USP42: variants seen among roughly 807,000 people sequenced by gnomAD.
USP42 encodes the protein ubiquitin carboxyl-terminal hydrolase 42.
In USP42, 23 loss-of-function variants were observed where a neutral mutation model predicts 113.0. That is an observed-to-expected ratio of 0.20 (90% CI 0.15 to 0.29). The LOEUF is 0.29. USP42 is among the 10% of genes least tolerant of loss of function. USP42 has a pLI of 1.00. For synonymous variants in USP42, 933 were observed against 699.0 expected, an observed-to-expected ratio of 1.33 and a Z score of -5.28; for missense variants, 2,174 against 1,779.8, an observed-to-expected ratio of 1.22 and a Z score of -3.99.
intron 3 of USP42, among the ~76,000 whole-genome samples, chr7:6,124,408 C>T (rs114508378): frequency 0.017 from 2,629 of 151,752 alleles, 72 homozygotes; most frequent in African/African-American, 0.06. Flanking sequence ...GCTGGGACTA[C>T]GGGTGCACCA....
In USP42 at chr7:6,149,846, C is replaced by A. The variant is rs1405577307; in HGVS notation, c.1650C>A (p.Thr550=). ...NLHSNSLENP[T]KPVPSSTITN... ...ATAGTAATTCTTTGGAGAACCCTACCAAGCCCGTTCCCTCTTCTACCATTA... is the reference window on the plus strand; with the variant it reads ...ATAGTAATTCTTTGGAGAACCCTACAAAGCCCGTTCCCTCTTCTACCATTA... The change falls in exon 13 of 18, where the codon ACC becomes ACA. Residue 550 remains threonine (T), a synonymous_variant. Transcript: ENST00000306177. 1 of 1,613,892 alleles carries A rather than the reference C, an allele frequency of 6.2e-7. No individual in the cohort carries two copies. The highest frequency in any genetic ancestry group is 8.5e-7 in the Non-Finnish European group (1 of 1,179,896).
chr7:6,106,247 C>G (rs1202156871), intron 1 of USP42, among the ~76,000 whole-genome samples: 1 of 151,840 alleles, frequency 6.6e-6, no homozygotes. Flanking sequence ...AAGGTTTTGT[C>G]TTTTTAAAGC....
chr7:6,150,133 C>G lies in USP42; in HGVS notation c.1937C>G (p.Ala646Gly). 1 of 1,613,232 alleles carries G rather than the reference C, an allele frequency of 6.2e-7. No individual in the cohort carries two copies. Among genetic ancestry groups the G allele is most frequent in the East Asian group, 2.2e-5 (1 of 44,858 alleles). Residue 646 changes from alanine (A) to glycine (G), a missense_variant, in exon 13 of 18, where the codon GCC becomes GGC. Transcript: ENST00000306177. ...SPGQDAEDEE[A>G]TPHELQEPMT... Reference sequence around the variant, plus strand: ...GGCCAAGATGCCGAAGATGAGGAGGCCACTCCGCACGAGCTTCAAGAACCC... The same window carrying G: ...GGCCAAGATGCCGAAGATGAGGAGGGCACTCCGCACGAGCTTCAAGAACCC...
chr7:6,104,152 G>A (rs1252055562), upstream of USP42, among the ~76,000 whole-genome samples: 5 of 151,296 alleles, frequency 3.3e-5, no homozygotes, highest in African/African-American at 1.2e-4. Context: ...GCGCGATCTC[G>A]GCTCACTGCA....
Position 6,113,182 on chromosome 7 carries a change from A to G in USP42, c.241+1808A>G, listed in dbSNP as rs535572811. ...AGTGCTGGGATTACAGGTGTAGGCC[A>G]CTGCACCCGGACAACAGTAAGTTTC... On this transcript the variant is annotated intron_variant, in intron 2 of 17. Transcript: ENST00000306177. Among the ~76,000 whole-genome samples the G allele has an allele frequency of 2.6e-5, 4 of 152,150 alleles. No individual in the cohort carries two copies. The South Asian group carries it at 8.3e-4, about 32-fold the overall frequency.
At chr7:6,086,223 T>A in the USP42 span, among the ~76,000 whole-genome samples, 1 of 144,542 alleles carries the variant, frequency 6.9e-6, no homozygotes, top group Non-Finnish European at 1.5e-5. Flanking sequence ...TTTTTTTTTT[T>A]GAGACAGAGT....
intron 1 of USP42, among the ~76,000 whole-genome samples, chr7:6,110,589 C>G (rs1779546674): frequency 6.6e-6 from 1 of 152,046 alleles, no homozygotes; most frequent in Non-Finnish European, 1.5e-5. Flanking sequence ...AAGGTGAGAT[C>G]TCTATAATTA....
chr7:6,118,566 C>G (rs890406327), intron 3 of USP42, among the ~76,000 whole-genome samples: 4 of 151,838 alleles, frequency 2.6e-5, no homozygotes, highest in Admixed American at 1.3e-4. Context: ...TGCCTACCTA[C>G]AGGTCACAAA....
chr7:6,140,085 T>G lies in USP42; in HGVS notation c.657-43T>G, dbSNP rs746152213. 3 of 1,577,688 alleles carry G rather than the reference T, an allele frequency of 1.9e-6. No homozygotes were observed. The African/African-American group carries it at 4.0e-5, about 21-fold the overall frequency. ...AAATCTGGTCACAGCATCTGGAGTT[T>G]TTGCAAAGCTCTTCTCTCATGTCAC... On this transcript the variant is annotated intron_variant, in intron 5 of 17. Coordinates refer to ENST00000306177, the MANE Select transcript of USP42 (RefSeq NM_032172.3).
the USP42 span, among the ~76,000 whole-genome samples, chr7:6,090,256 C>T: frequency 3.5e-4 from 48 of 138,726 alleles, 1 homozygote; most frequent in African/African-American, 1.2e-3. Flanking sequence ...ACCGAGATCA[C>T]GCCATTGCAC....
At position 6,145,501 on chromosome 7, in the gene USP42, T is replaced by G. The variant is rs754532431; in HGVS notation, c.991-15T>G. ...TGCCCTCGGAAATGTTTCTCCTGTT[T>G]CCATTTCCTTCTAGGATGTGAAATA... is the stretch of plus-strand genomic sequence containing the variant. On this transcript the variant is annotated splice_polypyrimidine_tract_variant and intron_variant, in intron 9 of 17. Coordinates refer to ENST00000306177, the MANE Select transcript of USP42 (RefSeq NM_032172.3). 5 of 1,613,856 alleles carry G rather than the reference T, an allele frequency of 3.1e-6. No homozygotes were observed. The Admixed American group carries it at 8.3e-5, about 27-fold the overall frequency.
intron 15 of USP42, among the ~76,000 whole-genome samples, chr7:6,155,458 T>G (rs757405856): frequency 1.3e-5 from 2 of 152,252 alleles, no homozygotes; most frequent in Non-Finnish European, 2.9e-5. Context: ...ATAGTGCCAT[T>G]TTTGGTGAAT....
At chr7:6,123,826 C>A (rs1055354358) in intron 3 of USP42, among the ~76,000 whole-genome samples, 1 of 130,374 alleles carries the variant, frequency 7.7e-6, no homozygotes. Context: ...AAAGGAGACC[C>A]TGTCTCAAAA....
Position 6,140,435 on chromosome 7 carries a change from A to T in USP42, c.724+240A>T, listed in dbSNP as rs1781372049. On this transcript the variant is annotated intron_variant, in intron 6 of 17. Transcript: ENST00000306177. ...GCACTGCTTCCATTTGTCTCTTCGTATTAGCAGTCTTTTACATTTCAGCAC... is the reference window on the plus strand; with the variant it reads ...GCACTGCTTCCATTTGTCTCTTCGTTTTAGCAGTCTTTTACATTTCAGCAC... Among the ~76,000 whole-genome samples the T allele has an allele frequency of 2.0e-5, 3 of 152,176 alleles. No individual in the cohort carries two copies. In the South Asian group the frequency reaches 6.2e-4, roughly 32 times the overall value.
At position 6,107,409 on chromosome 7, in the gene USP42, C is replaced by CTTT. The variant is rs774259719; in HGVS notation, c.-10+2392_-10+2394dup. ...CTATTTGGGCTTTCTTCTTCCTTTT[C>CTTT]TTTTTTTTTTTTTTTTTGAGACGGA... On this transcript the variant is annotated intron_variant, in intron 1 of 17. Transcript: ENST00000306177. Among the ~76,000 whole-genome samples the CTTT allele has an allele frequency of 1.7e-4, 22 of 130,784 alleles. 1 individual carries two copies. Among genetic ancestry groups the CTTT allele is most frequent in the Non-Finnish European group, 2.8e-4 (17 of 61,232 alleles). 85.8% of individuals were successfully genotyped at this position (130,784 alleles called of 152,430 possible).
At chr7:6,117,667 A>G (rs1005622797) in intron 3 of USP42, among the ~76,000 whole-genome samples, 3 of 152,228 alleles carry the variant, frequency 2.0e-5, no homozygotes, top group African/African-American at 4.8e-5. Flanking sequence ...CCACTGGTGA[A>G]TGAATCTTCC....
upstream of USP42, among the ~76,000 whole-genome samples, chr7:6,103,711 G>A (rs1283003387): frequency 7.6e-6 from 1 of 132,096 alleles, no homozygotes; most frequent in African/African-American, 3.1e-5. Context: ...AACCAGCCTG[G>A]GCAACATAGC....
chr7:6,096,146 C>T, the USP42 span, among the ~76,000 whole-genome samples: 2 of 150,992 alleles, frequency 1.3e-5, no homozygotes, highest in African/African-American at 5.0e-5. Context: ...CAGCTAACCT[C>T]AGTCTTCTAC....
At chr7:6,129,803 G>T (rs1384383210) in intron 3 of USP42, among the ~76,000 whole-genome samples, 3 of 150,626 alleles carry the variant, frequency 2.0e-5, no homozygotes, top group African/African-American at 4.9e-5. Flanking sequence ...AGAGGTTTCA[G>T]TGAGCCAAGA....
Sources: allele counts gnomAD v4.1 joint callset (sites outside exome capture counted in the v4.1 genomes callset), GRCh38; gene constraint gnomAD v4.1.1; transcripts MANE v1.5; gene names NCBI Gene and HGNC (gene_info 2026-07-23, HGNC 2026-07-21).